Variants in APIP observed in about 807,000 individuals in gnomAD.
APIP encodes APAF1 interacting protein.
In APIP, 32 loss-of-function variants were observed where a neutral mutation model predicts 32.0. That is an observed-to-expected ratio of 1.00 (90% CI 0.76 to 1.34). The LOEUF is 1.34. Among genes scored for constraint, APIP ranks in the 40% most tolerant of loss-of-function variants. APIP has a pLI of 0.00. For missense variants in APIP, 247 were observed against 298.6 expected (o/e 0.83, Z 1.27); for synonymous variants, 92 against 94.8 (o/e 0.97, Z 0.17).
In APIP at chr11:34,916,300, C is replaced by T. The variant is rs1277324786; in HGVS notation, c.-16G>A. On this transcript the variant is annotated 5_prime_UTR_variant, in exon 1 of 7. Transcript: ENST00000395787. Reference sequence around the variant, plus strand: ...AGCCAGACATGGCCCAGACCAGGGACCCGCGCGGCCTCCAATCTCCGCACG... The same window carrying T: ...AGCCAGACATGGCCCAGACCAGGGATCCGCGCGGCCTCCAATCTCCGCACG... 1.2e-6 allele frequency: 2 copies of T among 1,611,198 alleles called. No individual in the cohort carries two copies. Among genetic ancestry groups the T allele is most frequent in the Admixed American group, 3.3e-5 (2 of 59,864 alleles).
At chr11:34,889,506 CA>C (rs1853149947) in intron 3 of APIP, among the ~76,000 whole-genome samples, 1 of 151,250 alleles carries the variant, frequency 6.6e-6, no homozygotes, top group Admixed American at 6.6e-5. Context: ...ATTTTAGGTC[CA>C]GGGGTACATG....
rs761519198 is a variant in APIP, at chr11:34,888,878, A to G, written c.208-9T>C. The G allele has an allele frequency of 6.9e-7, 1 of 1,446,440 alleles. No homozygotes were observed. The allele number at this position is 1,446,440 out of a possible 1,614,324, so 89.6% of individuals were successfully genotyped here. A position where few individuals can be genotyped will look rare whatever the true frequency, so the allele number is the denominator to read the frequency against. On this transcript the variant is annotated splice_polypyrimidine_tract_variant and intron_variant, in intron 3 of 6. Transcript: ENST00000395787. ...ACAAACATGTCTTCAGGCTATTTAT[A>G]GAGGGGAAAAAAAGAAAAAAAGAAG...
intron 5 of APIP, among the ~76,000 whole-genome samples, 165 bp downstream of exon 5, chr11:34,888,128 C>T (rs2985390): frequency 0.37 from 56,614 of 151,832 alleles, 10,940 homozygotes; most frequent in East Asian, 0.74. Context: ...GAAGACATCC[C>T]ATTCGTGTCA....
chr11:34,913,954 G>A (rs1853602775), intron 1 of APIP, among the ~76,000 whole-genome samples: 1 of 152,088 alleles, frequency 6.6e-6, no homozygotes, highest in African/African-American at 2.4e-5. Flanking sequence ...CCTACTTTAT[G>A]TTCCAGAACA....
intron 1 of APIP, among the ~76,000 whole-genome samples, chr11:34,911,286 A>G (rs147991402): frequency 4.5e-4 from 68 of 152,258 alleles, no homozygotes; most frequent in African/African-American, 1.5e-3. Flanking sequence ...CAGAAATATC[A>G]AAGAAAAAAT....
intron 5 of APIP, among the ~76,000 whole-genome samples, chr11:34,884,505 G>A (rs1853025348): frequency 6.6e-6 from 1 of 152,244 alleles, no homozygotes; most frequent in South Asian, 2.1e-4. Flanking sequence ...CAGATGGACT[G>A]TTTGAGCTCA....
chr11:34,901,280 C>T (rs1242240983), intron 1 of APIP, among the ~76,000 whole-genome samples: 1 of 152,074 alleles, frequency 6.6e-6, no homozygotes, highest in Non-Finnish European at 1.5e-5. Flanking sequence ...AAGACAAAGC[C>T]ACCTCGACCC....
Position 34,916,249 on chromosome 11 carries a change from A to G in APIP, c.36T>C (p.Cys12=). ...SGCDAREGDC[C]SRRCGAQDKE... ...CTACCTGCGCGCCGCATCTCCGGGA[A>G]CAACAGTCTCCCTCCCGAGCATCAC... Residue 12 remains cysteine, a synonymous_variant, in exon 1 of 7, where the codon TGT becomes TGC. Coordinates refer to ENST00000395787, the MANE Select transcript of APIP (RefSeq NM_015957.4). 1.9e-6 allele frequency: 3 copies of G among 1,612,474 alleles called. No individual in the cohort carries two copies. The highest frequency in any genetic ancestry group is 2.5e-6 in the Non-Finnish European group (3 of 1,179,512).
At chr11:34,882,846 G>C (rs755428066) in intron 6 of APIP, 30 bp from the exon 7 acceptor site, 1 of 1,475,250 alleles carries the variant, frequency 6.8e-7, no homozygotes, top group Non-Finnish European at 9.4e-7. Flanking sequence ...AAGAACCAGT[G>C]TTTATCGAAA....
intron 1 of APIP, among the ~76,000 whole-genome samples, chr11:34,903,828 ACAGT>A (rs1206260147): frequency 2.0e-5 from 3 of 152,220 alleles, no homozygotes; most frequent in African/African-American, 7.2e-5. Context: ...CAGGATGGCT[ACAGT>A]CAGAGGATGG....
intron 2 of APIP, among the ~76,000 whole-genome samples, chr11:34,893,913 T>TTA (rs1273970691): frequency 1.3e-5 from 2 of 152,224 alleles, no homozygotes; most frequent in East Asian, 3.8e-4. Flanking sequence ...AGCACATAAA[T>TTA]ATTTTAATAA....
intron 2 of APIP, 162 bp from the exon 3 acceptor site, chr11:34,890,714 A>G (rs973865669): frequency 3.3e-6 from 2 of 598,780 alleles, no homozygotes; most frequent in South Asian, 2.3e-5. Flanking sequence ...GCCAAACTAC[A>G]TCAATGCCTT....
chr11:34,895,206 T>C, intron 1 of APIP, 96 bp from the exon 2 acceptor site: 1 of 1,008,840 alleles, frequency 9.9e-7, no homozygotes, highest in South Asian at 1.4e-5. Context: ...TAAGAAAGTT[T>C]AAGAAAACAT....
intron 1 of APIP, among the ~76,000 whole-genome samples, chr11:34,910,236 C>G (rs1026159880): frequency 2.0e-5 from 3 of 152,194 alleles, no homozygotes; most frequent in African/African-American, 7.2e-5. Flanking sequence ...TTTGGCTAGG[C>G]CAACTCCATA....
chr11:34,897,933 C>T (rs1044979960), intron 1 of APIP, among the ~76,000 whole-genome samples: 2 of 152,130 alleles, frequency 1.3e-5, no homozygotes, highest in Non-Finnish European at 2.9e-5. Flanking sequence ...TGTTTTCCCG[C>T]TCCACTTGGG....
chr11:34,883,249 T>C, intron 6 of APIP, 88 bp downstream of exon 6: 1 of 1,342,280 alleles, frequency 7.5e-7, no homozygotes, highest in African/African-American at 1.5e-5. Flanking sequence ...TGATAAACAA[T>C]TTAAATTTAA....
Position 34,898,361 on chromosome 11 carries a change from T to C in APIP, c.58-3251A>G, listed in dbSNP as rs369904474. 2.1e-3 allele frequency among the ~76,000 whole-genome samples: 313 copies of C among 152,286 alleles called. 3 individuals carry two copies. Among genetic ancestry groups the C allele is most frequent in the African/African-American group, 7.1e-3 (294 of 41,562 alleles). On this transcript the variant is annotated intron_variant, in intron 1 of 6. Coordinates refer to ENST00000395787, the MANE Select transcript of APIP (RefSeq NM_015957.4). Reference sequence around the variant, plus strand: ...AACCCCCCTCAATACCCACGGGTCATTGGGAGTGTCGGCCGTGTTTCGAAT... The same window carrying C: ...AACCCCCCTCAATACCCACGGGTCACTGGGAGTGTCGGCCGTGTTTCGAAT...
Position 34,882,697 on chromosome 11 carries a change from T to C in APIP, c.*20A>G. On this transcript the variant is annotated 3_prime_UTR_variant, in exon 7 of 7. Transcript: ENST00000395787. The stretch of plus-strand genomic sequence containing the variant: ...TTACGTTTAGCTTTATCTCTGTATA[T>C]AATTAGACTTTCTTTTGGCTTAGAC... 1.4e-6 allele frequency: 2 copies of C among 1,469,842 alleles called. No individual in the cohort carries two copies. Among genetic ancestry groups the C allele is most frequent in the Non-Finnish European group, 1.9e-6 (2 of 1,062,922 alleles). 91.0% of individuals were successfully genotyped at this position (1,469,842 alleles called of 1,614,324 possible).
chr11:34,916,150 T>G (rs2016814), intron 1 of APIP, 78 bp downstream of exon 1: 20 of 1,544,478 alleles, frequency 1.3e-5, no homozygotes, highest in Non-Finnish European at 1.7e-5. Context: ...CCCGCTACCC[T>G]GCGCCCAGCT....
Sources: allele counts gnomAD v4.1 joint callset (sites outside exome capture counted in the v4.1 genomes callset), GRCh38; gene constraint gnomAD v4.1.1; transcripts MANE v1.5; gene names NCBI Gene and HGNC (gene_info 2026-07-23, HGNC 2026-07-21).